The following OSBPL1A variants were observed in gnomAD, a reference collection of about 807,000 sequenced individuals.
The protein encoded by OSBPL1A is oxysterol-binding protein-related protein 1.
In OSBPL1A, 80 loss-of-function variants were observed where a neutral mutation model predicts 137.1. The observed-to-expected ratio is 0.58, with a 90% confidence interval of 0.49 to 0.70. OSBPL1A has a LOEUF of 0.70. Ranked by LOEUF, OSBPL1A falls within the 30% of genes least tolerant of loss-of-function variation. OSBPL1A has a pLI of 0.00. For missense variants in OSBPL1A, 970 were observed against 1,129.4 expected, an observed-to-expected ratio of 0.86 and a Z score of 2.02; for synonymous variants, 365 against 389.7, an observed-to-expected ratio of 0.94 and a Z score of 0.75.
In OSBPL1A at chr18:24,225,044, G is replaced by A. The variant is rs756429958; in HGVS notation, c.1599C>T (p.His533=). Residue 533 remains histidine (H), a splice_region_variant and synonymous_variant, in exon 17 of 28, where the codon CAC becomes CAT. Coordinates refer to ENST00000319481, the MANE Select transcript of OSBPL1A (RefSeq NM_080597.4). ...ACAACTGTCAGAGGCGATCCTACCT[G>A]TGTTTCTTGATGCCATTGGAGAGAG... ...GDALSNGIKK[H]RTSLPSPMFS... is the part of the protein sequence containing the mutation. 5.6e-6 allele frequency: 9 copies of A among 1,614,138 alleles called. No homozygotes were observed. The East Asian group carries it at 1.8e-4, about 32-fold the overall frequency.
At chr18:24,192,468 T>C (rs755416461) in intron 18 of OSBPL1A, among the ~76,000 whole-genome samples, 12 of 152,230 alleles carry the variant, frequency 7.9e-5, no homozygotes, top group Non-Finnish European at 1.6e-4. Flanking sequence ...CAAACAGATT[T>C]AGGGTTGAAT....
intron 7 of OSBPL1A, among the ~76,000 whole-genome samples, chr18:24,327,404 T>A (rs1333208964): frequency 2.6e-5 from 4 of 152,028 alleles, no homozygotes; most frequent in African/African-American, 9.7e-5. Context: ...AGCCTTTGAT[T>A]GATTGATTGA....
intron 18 of OSBPL1A, among the ~76,000 whole-genome samples, chr18:24,195,027 G>A (rs9948461): frequency 2.8e-4 from 43 of 152,316 alleles, no homozygotes; most frequent in African/African-American, 9.9e-4. Context: ...GGCCAGGCAT[G>A]GTGGCTAAGG....
At chr18:24,307,104 A>C (rs2090519129) in intron 13 of OSBPL1A, among the ~76,000 whole-genome samples, 1 of 151,586 alleles carries the variant, frequency 6.6e-6, no homozygotes, top group Admixed American at 6.6e-5. Flanking sequence ...AAAAAAAAAA[A>C]ACAAAAACAA....
In OSBPL1A at chr18:24,317,419, A is replaced by T. The variant is rs765225534; in HGVS notation, c.733-19T>A. On this transcript the variant is annotated intron_variant, in intron 9 of 27. Transcript: ENST00000319481. ...TTGAACTCTAAGGGAAAAATAACAA[A>T]GATTTCCCAAGCTGACACATCTAGA... 1 of 1,585,582 alleles carries T rather than the reference A, an allele frequency of 6.3e-7. No individual in the cohort carries two copies. The highest frequency in any genetic ancestry group is 8.7e-7 in the Non-Finnish European group (1 of 1,154,658).
rs891407616 is a variant in OSBPL1A at position 24,271,637 on chromosome 18, G to A, written c.1281+9205C>T. 7.9e-5 allele frequency: 78 copies of A among 985,672 alleles called. No homozygotes were observed. The highest frequency in any genetic ancestry group is 1.8e-4 in the Admixed American group (3 of 16,274). 61.1% of individuals were successfully genotyped at this position (985,672 alleles called of 1,614,324 possible). A position where few individuals can be genotyped will look rare whatever the true frequency, so the allele number is the denominator to read the frequency against. On this transcript the variant is annotated intron_variant, in intron 15 of 27. Transcript: ENST00000319481. The surrounding 1 kb of genome is among the most constrained non-coding windows in gnomAD (Gnocchi z 4.0). ...ACCCACCTACCTGGGCCAGATCCGA[G>A]GACCCCGGCTGGCGCGCTCCACCCT...
chr18:24,315,043 G>A (rs538046328), intron 11 of OSBPL1A, among the ~76,000 whole-genome samples: 117 of 152,204 alleles, frequency 7.7e-4, no homozygotes, highest in South Asian at 6.0e-3. Flanking sequence ...TATAAAACCC[G>A]GATACGAAAG....
At chr18:24,170,244 C>T (rs1006243030) in intron 24 of OSBPL1A, 83 bp downstream of exon 24, 2 of 1,504,946 alleles carry the variant, frequency 1.3e-6, no homozygotes, top group South Asian at 1.2e-5. Flanking sequence ...AAACTGTGAC[C>T]CTAGAACAGG....
At chr18:24,317,740 G>T (rs866573162) in intron 9 of OSBPL1A, among the ~76,000 whole-genome samples, 30 of 152,138 alleles carry the variant, frequency 2.0e-4, no homozygotes, top group Middle Eastern at 6.8e-3. Context: ...GTCTAAAAAA[G>T]AAAATTATCC....
chr18:24,333,137 C>A, intron 6 of OSBPL1A, 51 bp from the exon 7 acceptor site: 1 of 1,579,224 alleles, frequency 6.3e-7, no homozygotes, highest in Non-Finnish European at 8.7e-7. Context: ...GATAGACTTT[C>A]CTCTCATAAT....
At chr18:24,339,104 T>A (rs1157613793) in intron 5 of OSBPL1A, among the ~76,000 whole-genome samples, 2 of 152,170 alleles carry the variant, frequency 1.3e-5, no homozygotes, top group Non-Finnish European at 2.9e-5. Context: ...CCCGAGTTGC[T>A]GGGATTACAG....
intron 1 of OSBPL1A, among the ~76,000 whole-genome samples, chr18:24,391,281 C>T (rs754671007): frequency 5.9e-5 from 9 of 151,810 alleles, no homozygotes; most frequent in Non-Finnish European, 1.5e-5. Flanking sequence ...GCCGGTGGCT[C>T]GGAGAAGGGA....
intron 14 of OSBPL1A, among the ~76,000 whole-genome samples, chr18:24,300,006 T>C (rs2090367696): frequency 6.6e-6 from 1 of 152,210 alleles, no homozygotes; most frequent in Non-Finnish European, 1.5e-5. Flanking sequence ...TATGGAAGAA[T>C]GGATTGATAA....
At position 24,312,026 on chromosome 18, in the gene OSBPL1A, C is replaced by T. The variant is rs145309548; in HGVS notation, c.1050G>A (p.Glu350=). The T allele has an allele frequency of 1.8e-4, 285 of 1,613,276 alleles. No homozygotes were observed. The highest frequency in any genetic ancestry group is 3.3e-5 in the Admixed American group (2 of 60,002). Residue 350 remains glutamate (E), a synonymous_variant, in exon 13 of 28, where the codon GAG becomes GAA. Transcript: ENST00000319481. ...GGTCTGCAGCAGAAACCGTATCTTCCTCCTCCTCATCAGTCAGCTGGTCCT... is the reference window on the plus strand; with the variant it reads ...GGTCTGCAGCAGAAACCGTATCTTCTTCCTCCTCATCAGTCAGCTGGTCCT... The part of the protein sequence containing the change: ...CSQDQLTDEE[E]EDTVSAADLK...
intron 14 of OSBPL1A, among the ~76,000 whole-genome samples, chr18:24,291,137 G>A (rs2090167977): frequency 1.3e-5 from 2 of 152,138 alleles, no homozygotes; most frequent in Non-Finnish European, 2.9e-5. Flanking sequence ...TGTCCATAAA[G>A]TTACAATCCA....
chr18:24,363,026 C>T (rs140779785), intron 4 of OSBPL1A, among the ~76,000 whole-genome samples: 379 of 152,314 alleles, frequency 2.5e-3, no homozygotes, highest in African/African-American at 8.7e-3. Context: ...AGGGAAATGA[C>T]TTGATTTAAA....
intron 15 of OSBPL1A, among the ~76,000 whole-genome samples, chr18:24,278,075 G>C (rs2089883451): frequency 6.6e-6 from 1 of 152,196 alleles, no homozygotes; most frequent in Admixed American, 6.5e-5. Context: ...TTGTCCCACA[G>C]TTGGAGAAAA....
intron 4 of OSBPL1A, among the ~76,000 whole-genome samples, chr18:24,350,843 C>T (rs2146170921): frequency 6.6e-6 from 1 of 152,186 alleles, no homozygotes; most frequent in East Asian, 1.9e-4. Context: ...AAAAATATTT[C>T]CCATGCAACC....
chr18:24,277,226 T>C (rs2089862783), intron 15 of OSBPL1A, among the ~76,000 whole-genome samples: 1 of 151,628 alleles, frequency 6.6e-6, no homozygotes, highest in South Asian at 2.1e-4. Context: ...ATTATTGACA[T>C]ACAAAAGGCC....
Sources: allele counts gnomAD v4.1 joint callset (sites outside exome capture counted in the v4.1 genomes callset), GRCh38; gene constraint gnomAD v4.1.1; non-coding constraint Gnocchi (gnomAD v3.1); transcripts MANE v1.5; gene names NCBI Gene and HGNC (gene_info 2026-07-23, HGNC 2026-07-21).